Variants in LY86 observed in about 807,000 individuals in gnomAD.
LY86 encodes the protein MD-1, RP105-associated.
Under a neutral mutation model 17.3 loss-of-function variants are expected in LY86, and 20 were observed. That is an observed-to-expected ratio of 1.15 (90% CI 0.81 to 1.68). The LOEUF is 1.68. Ranked by LOEUF, LY86 falls within the 40% of genes most tolerant of loss-of-function variation. The pLI, the probability that LY86 is intolerant of heterozygous loss-of-function variation, is 0.00. For missense variants in LY86, 200 were observed against 191.9 expected (o/e 1.04, Z -0.25); for synonymous variants, 74 against 70.6 (o/e 1.05, Z -0.24).
intron 1 of LY86, among the ~76,000 whole-genome samples, chr6:6,609,098 G>A (rs1460114307): frequency 6.6e-6 from 1 of 152,162 alleles, no homozygotes; most frequent in African/African-American, 2.4e-5. Flanking sequence ...TTCCCCTCCA[G>A]CATCCACCTG....
At chr6:6,606,733 G>A (rs1405468500) in intron 1 of LY86, among the ~76,000 whole-genome samples, 2 of 152,210 alleles carry the variant, frequency 1.3e-5, no homozygotes, top group African/African-American at 4.8e-5. Flanking sequence ...GGGGCCCGCT[G>A]AGCCCACGCC....
chr6:6,652,457 A>G (rs941125393), intron 4 of LY86, among the ~76,000 whole-genome samples: 2 of 152,156 alleles, frequency 1.3e-5, no homozygotes, highest in African/African-American at 4.8e-5. Context: ...CTCAGCGATC[A>G]TTCTCCAGGG....
chr6:6,614,104 T>G (rs1218585606), intron 1 of LY86, among the ~76,000 whole-genome samples: 1 of 152,180 alleles, frequency 6.6e-6, no homozygotes, highest in Non-Finnish European at 1.5e-5. Flanking sequence ...AGAAAATCAG[T>G]GTTTAGGAAA....
At chr6:6,610,754 A>G (rs935779093) in intron 1 of LY86, among the ~76,000 whole-genome samples, 1 of 152,148 alleles carries the variant, frequency 6.6e-6, no homozygotes, top group Non-Finnish European at 1.5e-5. Context: ...ACTGGTTTTG[A>G]TGTCACACTA....
chr6:6,599,301 C>T (rs1393963458), intron 1 of LY86, among the ~76,000 whole-genome samples: 3 of 152,186 alleles, frequency 2.0e-5, no homozygotes, highest in Admixed American at 2.0e-4. Flanking sequence ...CAGTAGTCTT[C>T]CTATTTCTAG....
Position 6,626,723 on chromosome 6 carries a change from A to G in LY86, c.352+302A>G, listed in dbSNP as rs116381900. Reference sequence around the variant, plus strand: ...AAAGGGCTGGCAGCAGAAAGAGCCAAGAGGTTCCAAAAATCCATTGAGGTT... The same window carrying G: ...AAAGGGCTGGCAGCAGAAAGAGCCAGGAGGTTCCAAAAATCCATTGAGGTT... On this transcript the variant is annotated intron_variant, in intron 3 of 4. Coordinates refer to ENST00000230568, the MANE Select transcript of LY86 (RefSeq NM_004271.4). Among the ~76,000 whole-genome samples the G allele has an allele frequency of 3.0e-3, 460 of 152,318 alleles. 2 individuals carry two copies. Among genetic ancestry groups the G allele is most frequent in the African/African-American group, 0.011 (443 of 41,568 alleles).
chr6:6,643,952 G>C (rs1762075206), intron 3 of LY86, among the ~76,000 whole-genome samples: 1 of 152,226 alleles, frequency 6.6e-6, no homozygotes, highest in Admixed American at 6.5e-5. Flanking sequence ...AAAATGCTAG[G>C]TAAATGAATG....
chr6:6,602,122 G>A (rs74511106), intron 1 of LY86, among the ~76,000 whole-genome samples: 1 of 152,118 alleles, frequency 6.6e-6, no homozygotes. Context: ...CCTTCAGTTC[G>A]ATTTTACCAT....
intron 1 of LY86, among the ~76,000 whole-genome samples, chr6:6,593,991 G>T (rs1190102188): frequency 6.6e-6 from 1 of 152,222 alleles, no homozygotes; most frequent in African/African-American, 2.4e-5. Flanking sequence ...ATGTCCTGTG[G>T]GCAATCCTCC....
intron 1 of LY86, among the ~76,000 whole-genome samples, chr6:6,609,397 T>C (rs1345389232): frequency 6.6e-6 from 1 of 152,222 alleles, no homozygotes; most frequent in African/African-American, 2.4e-5. Context: ...CCACTGGGTA[T>C]CCACTCTGCT....
At chr6:6,590,568 A>G (rs79039469) in intron 1 of LY86, among the ~76,000 whole-genome samples, 4,236 of 152,246 alleles carry the variant, frequency 0.028, 78 homozygotes, top group Middle Eastern at 0.061. Flanking sequence ...AGGGGATGCA[A>G]TTCATCCCAT....
At chr6:6,592,715 A>AG (rs1323144425) in intron 1 of LY86, among the ~76,000 whole-genome samples, 1 of 152,204 alleles carries the variant, frequency 6.6e-6, no homozygotes, top group African/African-American at 2.4e-5. Context: ...TTTTCACCAC[A>AG]TGAGGACACA....
At chr6:6,623,496 C>T (rs1160192004) in intron 1 of LY86, among the ~76,000 whole-genome samples, 2 of 152,222 alleles carry the variant, frequency 1.3e-5, no homozygotes, top group African/African-American at 4.8e-5. Context: ...CAGCCTCCAT[C>T]TCTCTGCTAC....
rs146237986 is a variant in LY86, at chr6:6,602,606, C to T, written c.136+13736C>T. 9.4e-3 allele frequency among the ~76,000 whole-genome samples: 1,432 copies of T among 152,124 alleles called. 21 individuals carry two copies. Among genetic ancestry groups the T allele is most frequent in the African/African-American group, 0.033 (1,360 of 41,474 alleles). On this transcript the variant is annotated intron_variant, in intron 1 of 4. Coordinates refer to ENST00000230568, the MANE Select transcript of LY86 (RefSeq NM_004271.4). ...GGTAGGCACCAGGAGAGTGAAGAAG[C>T]GAGACAGGGAAGAAAAAGAAGCCAG...
chr6:6,595,239 G>T (rs1760662298), intron 1 of LY86, among the ~76,000 whole-genome samples: 1 of 150,308 alleles, frequency 6.7e-6, no homozygotes, highest in Non-Finnish European at 1.5e-5. Context: ...TAGGAGGAGG[G>T]AAGAGAACAA....
intron 2 of LY86, 119 bp from the exon 3 acceptor site, chr6:6,626,174 C>T: frequency 1.0e-6 from 1 of 981,518 alleles, no homozygotes; most frequent in Non-Finnish European, 1.5e-6. Context: ...CTGTTCCCCA[C>T]ACAGAGAAGA....
chr6:6,621,648 C>T (rs1761679817), intron 1 of LY86, among the ~76,000 whole-genome samples: 1 of 152,144 alleles, frequency 6.6e-6, no homozygotes, highest in Non-Finnish European at 1.5e-5. Flanking sequence ...CTATGATGTG[C>T]AGAACAGCAC....
Position 6,649,678 on chromosome 6 carries a change from G to A in LY86, c.405+1G>A. 1 of 1,545,526 alleles carries A rather than the reference G, an allele frequency of 6.5e-7. No individual in the cohort carries two copies. Among genetic ancestry groups the A allele is most frequent in the Non-Finnish European group, 8.9e-7 (1 of 1,122,908 alleles). On this transcript the variant is annotated splice_donor_variant, in intron 4 of 4. Coordinates refer to ENST00000230568, the MANE Select transcript of LY86 (RefSeq NM_004271.4). LOFTEE classifies it high-confidence loss of function. ...TAATCCTGAATTTACTATTCCTCAG[G>A]TAAGATATTACTTACTTCTTGTATT...
At position 6,624,913 on chromosome 6, in the gene LY86, T is replaced by G. The variant is rs1761757514; in HGVS notation, c.137-13T>G. 5 of 1,392,914 alleles carry G rather than the reference T, an allele frequency of 3.6e-6. No individual in the cohort carries two copies. The East Asian group carries it at 1.2e-4, about 32-fold the overall frequency. The allele number at this position is 1,392,914 out of a possible 1,614,324, so 86.3% of individuals were successfully genotyped here. ...ATGTACTCGCAACTAATCTATTGTT[T>G]TCTTCTTCGTAGATCCATTACAAGA... On this transcript the variant is annotated splice_polypyrimidine_tract_variant and intron_variant, in intron 1 of 4. Transcript: ENST00000230568.
Sources: allele counts gnomAD v4.1 joint callset (sites outside exome capture counted in the v4.1 genomes callset), GRCh38; gene constraint gnomAD v4.1.1; transcripts MANE v1.5; gene names NCBI Gene and HGNC (gene_info 2026-07-23, HGNC 2026-07-21).